SGCG: variants seen among roughly 807,000 people sequenced by gnomAD.
SGCG encodes gamma-sarcoglycan.
In SGCG, 26 loss-of-function variants were observed where a neutral mutation model predicts 29.3. That is an observed-to-expected ratio of 0.89 (90% confidence interval 0.65 to 1.23). The LOEUF (loss-of-function observed/expected upper bound fraction) is 1.23. Ranked by LOEUF, SGCG falls within the 50% of genes most tolerant of loss-of-function variation. The pLI, the probability that SGCG is intolerant of heterozygous loss-of-function variation, is 0.00. For missense variants in SGCG, 353 were observed against 356.0 expected (o/e 0.99, Z 0.07); for synonymous variants, 145 against 129.7 (o/e 1.12, Z -0.80).
chr13:23,298,040 C>T (rs1266044627), intron 6 of SGCG, among the ~76,000 whole-genome samples: 4 of 151,624 alleles, frequency 2.6e-5, no homozygotes, highest in African/African-American at 4.8e-5. Flanking sequence ...CCACCGCGGC[C>T]AGCCAACAAT....
chr13:23,165,883 T>C, the SGCG span, among the ~76,000 whole-genome samples: 1 of 152,196 alleles, frequency 6.6e-6, no homozygotes, highest in Non-Finnish European at 1.5e-5. Flanking sequence ...AATTTTTATA[T>C]ATAAACTTTG....
At chr13:23,214,115 G>C (rs1321923845) in intron 2 of SGCG, among the ~76,000 whole-genome samples, 1 of 152,146 alleles carries the variant, frequency 6.6e-6, no homozygotes, top group Non-Finnish European at 1.5e-5. Context: ...ACCTCTCAAA[G>C]TATCAAAGAA....
chr13:23,285,928 G>T (rs149324044), intron 5 of SGCG, among the ~76,000 whole-genome samples: 3 of 152,070 alleles, frequency 2.0e-5, no homozygotes, highest in Admixed American at 1.3e-4. Flanking sequence ...CTCACCCTCC[G>T]TGGGCTGCAC....
At chr13:23,278,732 A>G (rs887893723) in intron 4 of SGCG, among the ~76,000 whole-genome samples, 6 of 152,200 alleles carry the variant, frequency 3.9e-5, no homozygotes, top group Admixed American at 1.3e-4. Context: ...CTGGAAGGCA[A>G]TGGGTCTAGA....
At chr13:23,248,828 T>TA (rs1436089357) in intron 3 of SGCG, among the ~76,000 whole-genome samples, 1 of 151,076 alleles carries the variant, frequency 6.6e-6, no homozygotes, top group South Asian at 2.1e-4. Context: ...CCGTCTCTAC[T>TA]AAAACTACCA....
chr13:23,313,636 G>A (rs1157831101), intron 6 of SGCG, among the ~76,000 whole-genome samples: 1 of 152,034 alleles, frequency 6.6e-6, no homozygotes, highest in Admixed American at 6.5e-5. Flanking sequence ...CTTAAAACTC[G>A]CCTGCTTTGT....
the SGCG span, among the ~76,000 whole-genome samples, chr13:23,170,328 G>A: frequency 6.6e-6 from 1 of 152,082 alleles, no homozygotes; most frequent in Admixed American, 6.6e-5. Flanking sequence ...GAAAACAAAT[G>A]GACTTTGTGA....
rs747046381 is a variant in SGCG at position 23,250,717 on chromosome 13, G to C, written c.385G>C (p.Gly129Arg). 1.3e-6 allele frequency: 2 copies of C among 1,580,532 alleles called. No individual in the cohort carries two copies. The highest frequency in any genetic ancestry group is 1.7e-5 in the Admixed American group (1 of 59,932). Residue 129 changes from glycine to arginine, a missense_variant and splice_region_variant, in exon 4 of 8, where the codon GGT (glycine) becomes CGT (arginine). By Grantham distance (125) the Gly-to-Arg change is moderately radical. Coordinates refer to ENST00000218867, the MANE Select transcript of SGCG (RefSeq NM_000231.3). ...EGEVTGRLKVGPKMVEVQNQQ... is the reference protein window; with the variant it reads ...EGEVTGRLKVRPKMVEVQNQQ... ...GGAGGTCACAGGCAGGTTAAAAGTCGGTGAGTCCAGCTTCATCATGGTGCT... is the reference window on the plus strand; with the variant it reads ...GGAGGTCACAGGCAGGTTAAAAGTCCGTGAGTCCAGCTTCATCATGGTGCT...
chr13:23,215,489 T>G (rs1424819744), intron 2 of SGCG, among the ~76,000 whole-genome samples: 1 of 152,150 alleles, frequency 6.6e-6, no homozygotes, highest in African/African-American at 2.4e-5. Context: ...TTAATTAGGA[T>G]TATGTTCAAT....
intron 5 of SGCG, among the ~76,000 whole-genome samples, chr13:23,284,001 T>C (rs1264167984): frequency 2.6e-5 from 4 of 152,236 alleles, no homozygotes; most frequent in Admixed American, 6.5e-5. Flanking sequence ...CTTCCCTTTA[T>C]AGGTAACCCG....
At chr13:23,165,687 G>A in the SGCG span, among the ~76,000 whole-genome samples, 5 of 149,766 alleles carry the variant, frequency 3.3e-5, no homozygotes, top group African/African-American at 1.2e-4. Context: ...ACCACGCCCA[G>A]CTAATTTTTG....
At position 23,277,912 on chromosome 13, in the gene SGCG, A is replaced by T. The variant is rs534893036; in HGVS notation, c.386-1447A>T. ...ACTGGGTTTCACCGTGTTAGCCAGG[A>T]TGGTCTCGATCTCCTGACCTCATGA... is the stretch of plus-strand genomic sequence containing the variant. On this transcript the variant is annotated intron_variant, in intron 4 of 7. Coordinates refer to ENST00000218867, the MANE Select transcript of SGCG (RefSeq NM_000231.3). 4.6e-5 allele frequency among the ~76,000 whole-genome samples: 7 copies of T among 151,994 alleles called. No individual in the cohort carries two copies. The East Asian group carries it at 1.4e-3, about 30-fold the overall frequency.
At chr13:23,164,073 G>A in the SGCG span, among the ~76,000 whole-genome samples, 9 of 152,196 alleles carry the variant, frequency 5.9e-5, no homozygotes, top group African/African-American at 2.2e-4. Flanking sequence ...CTGACCAGTC[G>A]CCTCAATTGG....
intron 6 of SGCG, among the ~76,000 whole-genome samples, chr13:23,307,354 C>T (rs975703933): frequency 6.6e-6 from 1 of 152,256 alleles, no homozygotes; most frequent in South Asian, 2.1e-4. Context: ...CCCTTGTAGA[C>T]CTCAGATATT....
chr13:23,243,428 A>T (rs1028485187), intron 3 of SGCG: 1 of 152,282 alleles, frequency 6.6e-6, no homozygotes, highest in Admixed American at 6.5e-5. Context: ...CCCTCTGCAG[A>T]TCTCAGCTTA....
At chr13:23,201,336 C>A (rs1300617817) in intron 1 of SGCG, among the ~76,000 whole-genome samples, 2 of 148,878 alleles carry the variant, frequency 1.3e-5, no homozygotes, top group Non-Finnish European at 1.5e-5. Context: ...GTTCTAATAA[C>A]CCCTGGAACC....
At chr13:23,215,452 G>T (rs1478816081) in intron 2 of SGCG, among the ~76,000 whole-genome samples, 6 of 152,042 alleles carry the variant, frequency 3.9e-5, no homozygotes, top group African/African-American at 1.4e-4. Flanking sequence ...ATTAGCTTAG[G>T]ATTCAGACTG....
chr13:23,240,810 T>C (rs1191051734), intron 3 of SGCG, among the ~76,000 whole-genome samples: 1 of 152,180 alleles, frequency 6.6e-6, no homozygotes, highest in East Asian at 1.9e-4. Flanking sequence ...AGGATGTAGC[T>C]GAGGCAGTGC....
At chr13:23,311,255 T>C (rs762786737) in intron 6 of SGCG, among the ~76,000 whole-genome samples, 13 of 152,368 alleles carry the variant, frequency 8.5e-5, no homozygotes, top group Non-Finnish European at 1.3e-4. Context: ...AAGATTTTAT[T>C]GTTAATGTTG....
Sources: allele counts gnomAD v4.1 joint callset (sites outside exome capture counted in the v4.1 genomes callset), GRCh38; gene constraint gnomAD v4.1.1; transcripts MANE v1.5; gene names NCBI Gene and HGNC (gene_info 2026-07-23, HGNC 2026-07-21).